VWC2L: variants seen among roughly 807,000 people sequenced by gnomAD.
The protein encoded by VWC2L is von Willebrand factor C domain-containing protein 2-like.
A neutral mutation model predicts 21.6 loss-of-function variants in VWC2L; 10 were observed. The observed-to-expected ratio is 0.46, with a 90% confidence interval of 0.29 to 0.78. VWC2L has a LOEUF of 0.78. VWC2L is among the 30% of genes least tolerant of loss of function. The pLI is 0.10. For synonymous variants in VWC2L, 96 were observed against 94.3 expected, an observed-to-expected ratio of 1.02 and a Z score of -0.10; for missense variants, 209 against 277.1, an observed-to-expected ratio of 0.75 and a Z score of 1.74.
intron 3 of VWC2L, among the ~76,000 whole-genome samples, chr2:214,454,458 T>C (rs1035025377): frequency 4.0e-5 from 6 of 151,782 alleles, no homozygotes; most frequent in African/African-American, 1.5e-4. Context: ...AGTAGTACTT[T>C]AGTAAGATTT....
intron 3 of VWC2L, among the ~76,000 whole-genome samples, chr2:214,489,192 A>G (rs1372125037): frequency 6.6e-6 from 1 of 152,202 alleles, no homozygotes; most frequent in Non-Finnish European, 1.5e-5. Flanking sequence ...CATATCAGCT[A>G]GTGCTCAAAG....
intron 3 of VWC2L, among the ~76,000 whole-genome samples, chr2:214,500,758 AG>A (rs1688880301): frequency 6.6e-6 from 1 of 152,362 alleles, no homozygotes; most frequent in South Asian, 2.1e-4. Context: ...AATCAGTATC[AG>A]GTAGACAACT....
At chr2:214,502,285 C>T (rs144197745) in intron 3 of VWC2L, among the ~76,000 whole-genome samples, 53 of 151,982 alleles carry the variant, frequency 3.5e-4, no homozygotes, top group African/African-American at 1.2e-3. Context: ...AAAATGACAA[C>T]GATTGGCAGG....
intron 2 of VWC2L, among the ~76,000 whole-genome samples, chr2:214,425,019 T>C (rs1034746552): frequency 6.6e-6 from 1 of 152,188 alleles, no homozygotes. Flanking sequence ...TCACAATCCA[T>C]TTTATTAATA....
intron 3 of VWC2L, among the ~76,000 whole-genome samples, chr2:214,466,669 T>C (rs1268452235): frequency 1.3e-5 from 2 of 152,238 alleles, no homozygotes; most frequent in Non-Finnish European, 2.9e-5. Flanking sequence ...GCTTCTACTA[T>C]TGTTTTCAAT....
chr2:214,487,625 A>G (rs111918372), intron 3 of VWC2L, among the ~76,000 whole-genome samples: 17 of 152,130 alleles, frequency 1.1e-4, no homozygotes, highest in Non-Finnish European at 2.2e-4. Context: ...GAATAGAAGT[A>G]AGCCAAAGAC....
intron 3 of VWC2L, among the ~76,000 whole-genome samples, chr2:214,503,635 A>G (rs575883299): frequency 6.6e-6 from 1 of 152,230 alleles, no homozygotes; most frequent in East Asian, 1.9e-4. Context: ...TAGGGCTAGA[A>G]TAAATCTCAG....
intron 3 of VWC2L, among the ~76,000 whole-genome samples, chr2:214,486,825 A>C (rs1688679025): frequency 6.6e-6 from 1 of 152,188 alleles, no homozygotes; most frequent in Non-Finnish European, 1.5e-5. Flanking sequence ...AAACAAAATA[A>C]AGCAGAATTC....
chr2:214,492,607 C>T (rs1049345576), intron 3 of VWC2L, among the ~76,000 whole-genome samples: 1 of 152,146 alleles, frequency 6.6e-6, no homozygotes, highest in Non-Finnish European at 1.5e-5. Context: ...AATGTGTTCA[C>T]TTATCGTGTG....
chr2:214,573,252 C>T (rs549458039), intron 3 of VWC2L, among the ~76,000 whole-genome samples: 3 of 152,104 alleles, frequency 2.0e-5, no homozygotes, highest in Non-Finnish European at 4.4e-5. Context: ...TACACACACA[C>T]ACACATACAC....
intron 3 of VWC2L, among the ~76,000 whole-genome samples, chr2:214,463,644 C>G (rs1703174267): frequency 6.6e-6 from 1 of 152,044 alleles, no homozygotes; most frequent in Non-Finnish European, 1.5e-5. Context: ...AAAAAATTAA[C>G]TGAATATTGT....
In VWC2L at chr2:214,578,363, C is replaced by A. The variant is rs943464995; in HGVS notation, c.*2543C>A. 3 of 152,174 alleles carry A rather than the reference C, an allele frequency of 2.0e-5. No individual in the cohort carries two copies. Among genetic ancestry groups the A allele is most frequent in the African/African-American group, 7.2e-5 (3 of 41,442 alleles). 9.4% of individuals were successfully genotyped at this position (152,174 alleles called of 1,614,324 possible). ...ATTGAATGGGACATCCATTAAGGAT[C>A]TCTCTTCAGAGAGTTTGCAGAAAGC... On this transcript the variant is annotated 3_prime_UTR_variant, in exon 4 of 4. Transcript: ENST00000312504.
chr2:214,456,310 T>C (rs958835152), intron 3 of VWC2L, among the ~76,000 whole-genome samples: 3 of 152,316 alleles, frequency 2.0e-5, no homozygotes, highest in Admixed American at 2.0e-4. Flanking sequence ...TCATTTTTTA[T>C]ATACCTGTTG....
At chr2:214,482,094 C>A (rs911517939) in intron 3 of VWC2L, among the ~76,000 whole-genome samples, 1 of 151,938 alleles carries the variant, frequency 6.6e-6, no homozygotes, top group Admixed American at 6.6e-5. Context: ...CAAAAATATA[C>A]GAAAATAAAT....
At chr2:214,463,098 C>T (rs1337122774) in intron 3 of VWC2L, among the ~76,000 whole-genome samples, 3 of 151,882 alleles carry the variant, frequency 2.0e-5, no homozygotes, top group Admixed American at 1.3e-4. Context: ...CTGCCATTCT[C>T]GGATATAGTA....
rs1703025461 is a variant in VWC2L at position 214,454,587 on chromosome 2, T to C, written c.520+17829T>C. Among the ~76,000 whole-genome samples, 4 of 147,734 alleles carry C rather than the reference T, an allele frequency of 2.7e-5. No individual in the cohort carries two copies. In the South Asian group the frequency reaches 8.5e-4, roughly 31 times the overall value. On this transcript the variant is annotated intron_variant, in intron 3 of 3. Coordinates refer to ENST00000312504, the MANE Select transcript of VWC2L (RefSeq NM_001080500.4). ...AGTTTACTAGTATACTGAATTACAT[T>C]GATTGATTTTCTTTTTTTTTTTTTT...
chr2:214,532,033 G>T (rs1292172846), intron 3 of VWC2L, among the ~76,000 whole-genome samples: 1 of 152,100 alleles, frequency 6.6e-6, no homozygotes, highest in Non-Finnish European at 1.5e-5. Context: ...CTCTGGGGGT[G>T]ATTATAATGG....
intron 3 of VWC2L, among the ~76,000 whole-genome samples, chr2:214,488,663 G>T (rs912084418): frequency 2.0e-5 from 3 of 152,134 alleles, no homozygotes; most frequent in Admixed American, 6.5e-5. Context: ...TTGTTATAAA[G>T]GAATACCTGA....
At chr2:214,471,758 C>T (rs1445118752) in intron 3 of VWC2L, among the ~76,000 whole-genome samples, 1 of 152,168 alleles carries the variant, frequency 6.6e-6, no homozygotes, top group Non-Finnish European at 1.5e-5. Flanking sequence ...GGAACATATT[C>T]ATAGGGTTCT....
Sources: gnomAD v4.1 joint callset for allele counts (sites outside exome capture counted in the v4.1 genomes callset) on GRCh38, gnomAD v4.1.1 for gene constraint, MANE v1.5 for transcripts, NCBI Gene and HGNC (gene_info 2026-07-23, HGNC 2026-07-21) for gene names.